The following NFATC3 variants were observed in gnomAD, a reference collection of about 807,000 sequenced individuals.
The protein encoded by NFATC3 is nuclear factor of activated T cells 3.
Under a neutral mutation model 98.6 loss-of-function variants are expected in NFATC3, and 46 were observed. The ratio of observed to expected loss-of-function variants is 0.47; its 90% confidence interval spans 0.37 to 0.60. NFATC3 has a LOEUF of 0.60. Ranked by LOEUF, NFATC3 falls within the 20% of genes least tolerant of loss-of-function variation. The pLI is 0.00. For missense variants in NFATC3, 1,256 were observed against 1,295.5 expected (o/e 0.97, Z 0.47); for synonymous variants, 512 against 472.2 (o/e 1.08, Z -1.09).
chr16:68,184,993 T>A (rs1165013777), intron 8 of NFATC3, among the ~76,000 whole-genome samples: 1 of 152,076 alleles, frequency 6.6e-6, no homozygotes, highest in African/African-American at 2.4e-5. Context: ...ATTTATTTTT[T>A]TTTTTTGAGA....
intron 9 of NFATC3, among the ~76,000 whole-genome samples, chr16:68,223,624 TG>T (rs1215269133): frequency 2.6e-5 from 4 of 151,776 alleles, no homozygotes; most frequent in Non-Finnish European, 5.9e-5. Context: ...ACACCAGGCG[TG>T]GTGGCTCACA....
intron 8 of NFATC3, among the ~76,000 whole-genome samples, chr16:68,186,397 G>C (rs924194993): frequency 6.6e-6 from 1 of 151,982 alleles, no homozygotes; most frequent in African/African-American, 2.4e-5. Context: ...AAAATGAGCC[G>C]GGCGTGGTGT....
At chr16:68,160,610 A>T (rs2038846593) in intron 4 of NFATC3, among the ~76,000 whole-genome samples, 1 of 152,188 alleles carries the variant, frequency 6.6e-6, no homozygotes. Flanking sequence ...CAAGAACCTA[A>T]CCCAGCAAAT....
At chr16:68,120,279 CAAA>C (rs564432522) in intron 1 of NFATC3, among the ~76,000 whole-genome samples, 3 of 90,200 alleles carry the variant, frequency 3.3e-5, no homozygotes, top group Admixed American at 1.2e-4. Flanking sequence ...GACCTAGTCT[CAAA>C]AAAAAAAAAA....
intron 3 of NFATC3, among the ~76,000 whole-genome samples, chr16:68,135,657 A>AT (rs1249989265): frequency 6.6e-6 from 1 of 152,100 alleles, no homozygotes; most frequent in African/African-American, 2.4e-5. Flanking sequence ...GAAAATGCTC[A>AT]TTTTCAGTTA....
At chr16:68,183,440 A>G (rs1016849122) in intron 8 of NFATC3, 74 bp downstream of exon 8, 6 of 1,534,944 alleles carry the variant, frequency 3.9e-6, no homozygotes, top group Non-Finnish European at 5.3e-6. Context: ...CGAATCCTAT[A>G]TTACAGTGTT....
chr16:68,218,106 C>A, intron 9 of NFATC3: 1 of 896,908 alleles, frequency 1.1e-6, no homozygotes, highest in Non-Finnish European at 1.3e-6. Flanking sequence ...GTTGCCTAGG[C>A]TGGAGTGCAG....
chr16:68,165,558 G>A (rs2039153711), intron 4 of NFATC3, among the ~76,000 whole-genome samples: 1 of 151,840 alleles, frequency 6.6e-6, no homozygotes, highest in African/African-American at 2.4e-5. Context: ...CACCATGCCT[G>A]GCTAATTTTT....
At chr16:68,196,585 C>G (rs908678951) in intron 9 of NFATC3, among the ~76,000 whole-genome samples, 2 of 151,884 alleles carry the variant, frequency 1.3e-5, no homozygotes, top group African/African-American at 2.4e-5. Context: ...CCCAGCTATT[C>G]TGGAGGCTGA....
intron 9 of NFATC3, among the ~76,000 whole-genome samples, chr16:68,206,041 C>T (rs1269510947): frequency 6.6e-6 from 1 of 151,890 alleles, no homozygotes; most frequent in Non-Finnish European, 1.5e-5. Context: ...GATTGTTGAT[C>T]CTTCCTCTTA....
chr16:68,115,060 A>G (rs924582085), intron 1 of NFATC3, among the ~76,000 whole-genome samples: 3 of 151,708 alleles, frequency 2.0e-5, no homozygotes, highest in African/African-American at 7.3e-5. Context: ...CCATCAGTAA[A>G]TGACTTTCTT....
intron 1 of NFATC3, among the ~76,000 whole-genome samples, chr16:68,119,188 G>C (rs971577603): frequency 3.9e-5 from 6 of 152,164 alleles, no homozygotes; most frequent in African/African-American, 1.4e-4. Context: ...TTTAATAATA[G>C]TTCAAGGCTT....
At chr16:68,206,605 T>C (rs2041154946) in intron 9 of NFATC3, among the ~76,000 whole-genome samples, 1 of 152,238 alleles carries the variant, frequency 6.6e-6, no homozygotes, top group Admixed American at 6.5e-5. Context: ...ATATAGCATA[T>C]TATTTACATA....
chr16:68,191,210 A>G lies in NFATC3; in HGVS notation c.2541A>G (p.Gln847=). The G allele has an allele frequency of 1.2e-6, 2 of 1,614,198 alleles. No individual in the cohort carries two copies. Among genetic ancestry groups the G allele is most frequent in the South Asian group, 1.1e-5 (1 of 91,086 alleles). ...TLSGLVNLGC[Q]PLSSIPFHSS... is the part of the protein sequence containing the mutation. ...CTGGTTTAGTGAATCTTGGCTGTCA[A>G]CCACTGTCATCCATACCATTTCATT... The change falls in exon 9 of 10, where the codon CAA becomes CAG. Residue 847 remains glutamine (Q), a synonymous_variant. Transcript: ENST00000346183.
At chr16:68,127,499 C>G (rs2036899298) in intron 3 of NFATC3, among the ~76,000 whole-genome samples, 1 of 151,930 alleles carries the variant, frequency 6.6e-6, no homozygotes, top group Admixed American at 6.6e-5. Context: ...CCAGCCTGGA[C>G]AATATAGTGA....
intron 3 of NFATC3, among the ~76,000 whole-genome samples, chr16:68,133,557 T>C (rs2037227401): frequency 6.6e-6 from 1 of 152,180 alleles, no homozygotes; most frequent in Non-Finnish European, 1.5e-5. Context: ...TAGAATATTT[T>C]AAGCACTTCA....
chr16:68,191,630 T>C lies in NFATC3; in HGVS notation c.2961T>C (p.Ser987=), dbSNP rs1048008358. The C allele has an allele frequency of 6.2e-7, 1 of 1,614,200 alleles. No individual in the cohort carries two copies. Residue 987 remains serine, a synonymous_variant, in exon 9 of 10, where the codon TCT becomes TCC. Transcript: ENST00000346183. ...QAQSTGQGGL[S]APSSLICHSL... is the part of the protein sequence containing the mutation. Reference sequence around the variant, plus strand: ...AAAGTACGGGCCAGGGGGGTCTTTCTGCACCTTCATCCTTAATATGTCACA... The same window carrying C: ...AAAGTACGGGCCAGGGGGGTCTTTCCGCACCTTCATCCTTAATATGTCACA...
chr16:68,196,728 T>C (rs565046113), intron 9 of NFATC3, among the ~76,000 whole-genome samples: 1 of 151,734 alleles, frequency 6.6e-6, no homozygotes, highest in African/African-American at 2.4e-5. Flanking sequence ...TTAATGTAAA[T>C]CCATAAAATG....
At chr16:68,130,137 C>G (rs2037042476) in intron 3 of NFATC3, among the ~76,000 whole-genome samples, 1 of 152,104 alleles carries the variant, frequency 6.6e-6, no homozygotes, top group Non-Finnish European at 1.5e-5. Context: ...TCTTTTTAAT[C>G]TACTGATTTC....
Sources: gnomAD v4.1 joint callset for allele counts (sites outside exome capture counted in the v4.1 genomes callset) on GRCh38, gnomAD v4.1.1 for gene constraint, MANE v1.5 for transcripts, NCBI Gene and HGNC (gene_info 2026-07-23, HGNC 2026-07-21) for gene names.